Variants in SH3KBP1 observed in about 807,000 individuals in gnomAD.
SH3KBP1 encodes the protein SH3 domain containing kinase binding protein 1.
Under a neutral mutation model 50.1 loss-of-function variants are expected in SH3KBP1, and 8 were observed. The ratio of observed to expected loss-of-function variants is 0.16; its 90% confidence interval spans 0.09 to 0.29. The LOEUF is 0.29. SH3KBP1 is among the 10% of genes least tolerant of loss of function. The pLI is 1.00. For missense variants in SH3KBP1, 377 were observed against 535.2 expected (o/e 0.70, Z 2.92); for synonymous variants, 227 against 218.6 (o/e 1.04, Z -0.34).
chrX:19,588,840 T>A, intron 11 of SH3KBP1, 38 bp from the exon 12 acceptor site: 1 of 1,050,152 alleles, frequency 9.5e-7, no homozygotes, highest in Non-Finnish European at 1.3e-6. Context: ...ATAGATCGAG[T>A]GTAAGTGACA....
chrX:19,600,745 G>A (rs1197350692), intron 9 of SH3KBP1, among the ~76,000 whole-genome samples: 1 of 111,586 alleles, frequency 9.0e-6, no homozygotes, highest in Middle Eastern at 4.2e-3. Context: ...AGTTTCTAGA[G>A]GCACTTGTTC....
chrX:19,589,661 T>C (rs1485205968), intron 11 of SH3KBP1, among the ~76,000 whole-genome samples: 5 of 110,554 alleles, frequency 4.5e-5, no homozygotes, highest in African/African-American at 1.3e-4. Flanking sequence ...AAAGCATACA[T>C]CCACATTCTT....
At chrX:19,768,389 C>A (rs1020055337) in intron 2 of SH3KBP1, among the ~76,000 whole-genome samples, 2 of 103,877 alleles carry the variant, frequency 1.9e-5, no homozygotes, top group Non-Finnish European at 3.9e-5. Context: ...CAATTCACAC[C>A]TCGCCTTATA....
chrX:19,777,646 C>T (rs113986222), intron 2 of SH3KBP1, among the ~76,000 whole-genome samples: 2,696 of 111,627 alleles, frequency 0.024, 85 homozygotes, highest in African/African-American at 0.083. Flanking sequence ...GAAGTCTGGA[C>T]GGGCTCCCTA....
At chrX:19,639,362 A>C (rs1006736954) in intron 7 of SH3KBP1, among the ~76,000 whole-genome samples, 6 of 111,268 alleles carry the variant, frequency 5.4e-5, no homozygotes, top group African/African-American at 2.0e-4. Flanking sequence ...GAAGAAATGA[A>C]AATCTGACAA....
At chrX:19,681,690 C>T (rs2063056688) in intron 6 of SH3KBP1, among the ~76,000 whole-genome samples, 1 of 110,416 alleles carries the variant, frequency 9.1e-6, no homozygotes, top group African/African-American at 3.3e-5. Flanking sequence ...CAGCAAATGC[C>T]CCCTGTAGGA....
intron 12 of SH3KBP1, among the ~76,000 whole-genome samples, chrX:19,580,396 A>AT (rs1241214417): frequency 3.6e-5 from 4 of 111,129 alleles, no homozygotes; most frequent in Non-Finnish European, 7.6e-5. Flanking sequence ...CCGCTTGCCC[A>AT]TTCTCTCTTC....
chrX:19,572,283 T>C (rs2066039936), intron 12 of SH3KBP1, among the ~76,000 whole-genome samples: 1 of 106,735 alleles, frequency 9.4e-6, no homozygotes, highest in Non-Finnish European at 1.9e-5. Flanking sequence ...ATATGTTATA[T>C]ATAGTCATAT....
At chrX:19,610,137 T>C (rs560504536) in intron 8 of SH3KBP1, among the ~76,000 whole-genome samples, 3 of 111,747 alleles carry the variant, frequency 2.7e-5, no homozygotes, top group African/African-American at 9.7e-5. Flanking sequence ...AAGTATCAAG[T>C]TCAGATTTAC....
At chrX:19,757,025 A>G (rs1461186722) in intron 2 of SH3KBP1, among the ~76,000 whole-genome samples, 1 of 110,978 alleles carries the variant, frequency 9.0e-6, no homozygotes, top group East Asian at 2.8e-4. Flanking sequence ...GAGAAAGCAT[A>G]TATTTTGTCC....
rs1252479435 is a variant in SH3KBP1, at chrX:19,695,745, C to A, written c.391-4G>T. On this transcript the variant is annotated splice_polypyrimidine_tract_variant and splice_region_variant and intron_variant, in intron 4 of 17. Transcript: ENST00000397821. ...CTTCCCACCATCCTTCCTCTACCTGCAGAGATACAAACAAAAGAGCAGAGA... is the reference window on the plus strand; with the variant it reads ...CTTCCCACCATCCTTCCTCTACCTGAAGAGATACAAACAAAAGAGCAGAGA... The A allele has an allele frequency of 6.6e-6, 8 of 1,209,524 alleles. No individual in the cohort carries two copies. The highest frequency in any genetic ancestry group is 8.9e-6 in the Non-Finnish European group (8 of 894,568).
At chrX:19,820,118 T>C (rs1483667967) in intron 2 of SH3KBP1, among the ~76,000 whole-genome samples, 1 of 112,124 alleles carries the variant, frequency 8.9e-6, no homozygotes, top group African/African-American at 3.2e-5. Flanking sequence ...GTTAGTTTTA[T>C]GACCCAGGAT....
At chrX:19,641,889 G>C (rs890735085) in intron 7 of SH3KBP1, among the ~76,000 whole-genome samples, 2 of 111,688 alleles carry the variant, frequency 1.8e-5, no homozygotes, top group African/African-American at 6.5e-5. Flanking sequence ...ACCCAGACTG[G>C]AGTGCAGTGG....
rs756653588 is a variant in SH3KBP1, at chrX:19,795,930, A to G, written c.162+40195T>C. Among the ~76,000 whole-genome samples, 11 of 111,876 alleles carry G rather than the reference A, an allele frequency of 9.8e-5. No individual in the cohort carries two copies. In the South Asian group the frequency reaches 4.1e-3, roughly 41 times the overall value. On this transcript the variant is annotated intron_variant, in intron 2 of 17. Coordinates refer to ENST00000397821, the MANE Select transcript of SH3KBP1 (RefSeq NM_031892.3). ...AATAGCTTACACCATGTAAACCTCT[A>G]TATAAACTAAGCATAGTTTACACCT...
At chrX:19,722,569 G>GGTGTGTGTGTGT (rs55675573) in intron 3 of SH3KBP1, among the ~76,000 whole-genome samples, 40 of 84,236 alleles carry the variant, frequency 4.7e-4, no homozygotes, top group African/African-American at 1.5e-3. Context: ...CGTGCGCACT[G>GGTGTGTGTGTGT]GTGTGTGTGT....
Position 19,678,149 on chromosome X carries a change from C to T in SH3KBP1, c.726+5674G>A, listed in dbSNP as rs762874807. 8.3e-4 allele frequency among the ~76,000 whole-genome samples: 93 copies of T among 111,752 alleles called. 1 individual carries two copies. Among genetic ancestry groups the T allele is most frequent in the African/African-American group, 3.0e-3 (91 of 30,708 alleles). On this transcript the variant is annotated intron_variant, in intron 6 of 17. Transcript: ENST00000397821. ...CACTAATCTATACCTTCCAACTTTG[C>T]CTTCATCAGTAATGACACTGAAATA...
chrX:19,845,214 C>T (rs2068334531), intron 1 of SH3KBP1, among the ~76,000 whole-genome samples: 1 of 111,170 alleles, frequency 9.0e-6, no homozygotes, highest in Non-Finnish European at 1.9e-5. Context: ...CACGGTGGCT[C>T]AAGCCTGTAA....
At chrX:19,640,685 C>G (rs2061834729) in intron 7 of SH3KBP1, among the ~76,000 whole-genome samples, 1 of 110,293 alleles carries the variant, frequency 9.1e-6, no homozygotes, top group Admixed American at 9.7e-5. Context: ...AGAACTAAAT[C>G]AAAAGGAAAA....
chrX:19,551,761 T>C (rs1211484050), intron 13 of SH3KBP1, among the ~76,000 whole-genome samples: 1 of 109,578 alleles, frequency 9.1e-6, no homozygotes, highest in African/African-American at 3.4e-5. Context: ...TCTTAAAAGG[T>C]TCTCCTCCAG....
Sources: gnomAD v4.1 joint callset for allele counts (sites outside exome capture counted in the v4.1 genomes callset) on GRCh38, gnomAD v4.1.1 for gene constraint, MANE v1.5 for transcripts, NCBI Gene and HGNC (gene_info 2026-07-23, HGNC 2026-07-21) for gene names.